Variants in ESCO2 observed in about 807,000 individuals in gnomAD.
ESCO2 encodes the protein N-acetyltransferase ESCO2.
Under a neutral mutation model 61.7 loss-of-function variants are expected in ESCO2, and 51 were observed. The ratio of observed to expected loss-of-function variants is 0.83; its 90% CI spans 0.66 to 1.04. The LOEUF (loss-of-function observed/expected upper bound fraction) is 1.04. Ranked by LOEUF, ESCO2 falls within the 50% of genes least tolerant of loss-of-function variation. The pLI, the probability that ESCO2 is intolerant of heterozygous loss-of-function variation, is 0.00. For synonymous variants in ESCO2, 230 were observed against 238.2 expected, an observed-to-expected ratio of 0.97 and a Z score of 0.32; for missense variants, 692 against 686.2, an observed-to-expected ratio of 1.01 and a Z score of -0.09.
At chr8:27,782,523 C>A (rs1804947844) in intron 4 of ESCO2, among the ~76,000 whole-genome samples, 1 of 152,150 alleles carries the variant, frequency 6.6e-6, no homozygotes, top group Non-Finnish European at 1.5e-5. Flanking sequence ...CTTGGCCTCC[C>A]TTACCTTTCA....
chr8:27,774,399 CA>C (rs2128950305), upstream of ESCO2: 1 of 152,266 alleles, frequency 6.6e-6, no homozygotes, highest in East Asian at 1.9e-4. Context: ...TTTTTCACCT[CA>C]CCAGGGCGCG....
At chr8:27,807,366 G>T (rs1805582913), downstream of ESCO2, among the ~76,000 whole-genome samples, 1 of 152,136 alleles carries the variant, frequency 6.6e-6, no homozygotes, top group Non-Finnish European at 1.5e-5. Context: ...TATCTTTGGA[G>T]ATGATTTTGA....
intron 3 of ESCO2, 141 bp from the exon 4 acceptor site, chr8:27,780,033 A>G (rs988617330): frequency 3.1e-6 from 2 of 643,828 alleles, no homozygotes; most frequent in Non-Finnish European, 2.8e-6. Context: ...ATAGTTTGAA[A>G]ATTGATTGAA....
intron 5 of ESCO2, among the ~76,000 whole-genome samples, chr8:27,786,909 A>T (rs570664303): frequency 2.6e-5 from 3 of 116,438 alleles, no homozygotes; most frequent in East Asian, 2.4e-4. Flanking sequence ...AGGGATTTCT[A>T]CTCCTTTGGT....
chr8:27,783,288 G>A (rs1401225992), intron 4 of ESCO2, among the ~76,000 whole-genome samples: 3 of 152,070 alleles, frequency 2.0e-5, no homozygotes, highest in Non-Finnish European at 2.9e-5. Flanking sequence ...CATCCATGTT[G>A]TTGGGTGTAT....
downstream of ESCO2, among the ~76,000 whole-genome samples, chr8:27,807,811 G>GT (rs1563484949): frequency 1.3e-5 from 2 of 152,104 alleles, no homozygotes; most frequent in Admixed American, 6.6e-5. Flanking sequence ...TAATACCATC[G>GT]TAAGTAGTGT....
chr8:27,797,349 G>T (rs187301905), intron 9 of ESCO2, among the ~76,000 whole-genome samples: 2 of 152,060 alleles, frequency 1.3e-5, no homozygotes, highest in East Asian at 3.9e-4. Flanking sequence ...TCTCTTGATG[G>T]TTTTTGACTT....
chr8:27,790,406 C>G (rs1173803815), intron 7 of ESCO2, among the ~76,000 whole-genome samples: 2 of 152,114 alleles, frequency 1.3e-5, no homozygotes, highest in African/African-American at 4.8e-5. Flanking sequence ...AAAAGTGTTT[C>G]TCCATACCCC....
intron 6 of ESCO2, among the ~76,000 whole-genome samples, chr8:27,788,574 G>C (rs1309034340): frequency 6.6e-6 from 1 of 151,754 alleles, no homozygotes; most frequent in Non-Finnish European, 1.5e-5. Context: ...GCCCAGACTG[G>C]TCTCTAACTC....
At chr8:27,806,504 C>T (rs1245706829), downstream of ESCO2, among the ~76,000 whole-genome samples, 1 of 152,006 alleles carries the variant, frequency 6.6e-6, no homozygotes, top group African/African-American at 2.4e-5. Context: ...TCAATTTATT[C>T]CACAAAAAGC....
chr8:27,801,969 A>ATTTTTTTTTTTTTTTTT, intron 10 of ESCO2, among the ~76,000 whole-genome samples: 1 of 83,794 alleles, frequency 1.2e-5, no homozygotes, highest in Non-Finnish European at 2.1e-5. Context: ...CCTTCATGGC[A>ATTTTTTTTTTTTTTTTT]TTTTTTTTTT....
downstream of ESCO2, among the ~76,000 whole-genome samples, chr8:27,817,170 G>A (rs928995792): frequency 1.3e-5 from 2 of 151,858 alleles, no homozygotes; most frequent in East Asian, 1.9e-4. Flanking sequence ...TTTCCCACAC[G>A]CTTAAAAATA....
intron 4 of ESCO2, 42 bp downstream of exon 4, chr8:27,780,309 C>G: frequency 1.7e-6 from 2 of 1,192,224 alleles, no homozygotes; most frequent in Non-Finnish European, 2.5e-6. Context: ...TAAAATAATG[C>G]TTTATTACAT....
At chr8:27,798,593 G>C (rs1048274290) in intron 9 of ESCO2, among the ~76,000 whole-genome samples, 6 of 152,174 alleles carry the variant, frequency 3.9e-5, no homozygotes, top group Non-Finnish European at 5.9e-5. Flanking sequence ...AGCTTTATTA[G>C]TAATAGCCAA....
At chr8:27,800,504 G>A (rs1040373477) in intron 10 of ESCO2, among the ~76,000 whole-genome samples, 4 of 152,144 alleles carry the variant, frequency 2.6e-5, no homozygotes, top group African/African-American at 9.7e-5. Flanking sequence ...TGAAACCCTT[G>A]TACATTGCTG....
intron 7 of ESCO2, among the ~76,000 whole-genome samples, chr8:27,790,173 A>T (rs1022394932): frequency 6.6e-6 from 1 of 152,248 alleles, no homozygotes. Flanking sequence ...TGCCGCTGGA[A>T]TAAGCCACAT....
chr8:27,796,463 ATTC>A (rs1203829688), intron 9 of ESCO2, among the ~76,000 whole-genome samples: 11 of 151,876 alleles, frequency 7.2e-5, no homozygotes, highest in Admixed American at 4.6e-4. Context: ...TTTGGGCTTT[ATTC>A]TTCTTTTTCT....
intron 5 of ESCO2, among the ~76,000 whole-genome samples, 187 bp from the exon 6 acceptor site, chr8:27,787,698 G>A (rs2128954749): frequency 6.6e-6 from 1 of 152,276 alleles, no homozygotes; most frequent in South Asian, 2.1e-4. Context: ...ACTTTACCTT[G>A]AGTAAATTAC....
At chr8:27,810,959 TTCA>T (rs763304019), downstream of ESCO2, 318 of 1,544,520 alleles carry the variant, frequency 2.1e-4, no homozygotes, top group Non-Finnish European at 2.6e-4. Flanking sequence ...TATTCATACC[TTCA>T]TCATCATCAT....
Sources: gnomAD v4.1 joint callset for allele counts (sites outside exome capture counted in the v4.1 genomes callset) on GRCh38, gnomAD v4.1.1 for gene constraint, MANE v1.5 for transcripts, NCBI Gene and HGNC (gene_info 2026-07-23, HGNC 2026-07-21) for gene names.